The following TRIM25 variants were observed in gnomAD, a reference collection of about 807,000 sequenced individuals.
TRIM25 encodes tripartite motif containing 25.
A neutral mutation model predicts 65.2 loss-of-function variants in TRIM25; 45 were observed. The observed-to-expected ratio is 0.69, with a 90% CI of 0.54 to 0.89. The LOEUF is 0.89. Ranked by LOEUF, TRIM25 falls within the 40% of genes least tolerant of loss-of-function variation. TRIM25 has a pLI of 0.00. For synonymous variants in TRIM25, 321 were observed against 340.4 expected, an observed-to-expected ratio of 0.94 and a Z score of 0.63; for missense variants, 714 against 803.7, an observed-to-expected ratio of 0.89 and a Z score of 1.35.
At chr17:56,911,513 G>A (rs1909627914) in intron 1 of TRIM25, among the ~76,000 whole-genome samples, 1 of 151,300 alleles carries the variant, frequency 6.6e-6, no homozygotes, top group Non-Finnish European at 1.5e-5. Context: ...TCGGGAGGTG[G>A]AGGTTGCAGT....
At chr17:56,895,030 G>A (rs1909257721) in intron 8 of TRIM25, among the ~76,000 whole-genome samples, 1 of 152,224 alleles carries the variant, frequency 6.6e-6, no homozygotes, top group African/African-American at 2.4e-5. Flanking sequence ...CCCGGTGAAG[G>A]CCGGTGACCG....
intron 4 of TRIM25, among the ~76,000 whole-genome samples, chr17:56,900,084 C>A (rs1035025990): frequency 6.6e-6 from 1 of 152,106 alleles, no homozygotes; most frequent in African/African-American, 2.4e-5. Flanking sequence ...TGTGGTGGCA[C>A]ATGCCTGTAA....
rs371150565 is a variant in TRIM25 at position 56,891,754 on chromosome 17, C to T, written c.1839G>A (p.Pro613=). 94 of 1,614,024 alleles carry T rather than the reference C, an allele frequency of 5.8e-5. No individual in the cohort carries two copies. The highest frequency in any genetic ancestry group is 7.8e-5 in the Non-Finnish European group (92 of 1,180,028). ...CACCAGCAGAAAATACCCAGAAAGC[C>T]GGGTACAAAGCCTCAGTAAAGTCCA... ...FRVDFTEALY[P]AFWVFSAGAT... is the part of the protein sequence containing the mutation. The change falls in exon 9 of 9, where the codon CCG becomes CCA. Residue 613 remains proline (P), a synonymous_variant. Transcript: ENST00000316881.
At chr17:56,899,042 G>T in intron 5 of TRIM25, 73 bp downstream of exon 5, 1 of 1,566,070 alleles carries the variant, frequency 6.4e-7, no homozygotes, top group South Asian at 1.1e-5. Flanking sequence ...GGATGGGCCG[G>T]AAGTGACTTG....
chr17:56,899,137 T>C lies in TRIM25; in HGVS notation c.1131A>G (p.Thr377=), dbSNP rs1190334643. ...EHDPASTHKS[T]RPVKKVSKEE... ...TACTGGAGACCTTCTTCACAGGGCGTGTGGATTTGTGTGTGGACGCTGGGT... is the reference window on the plus strand; with the variant it reads ...TACTGGAGACCTTCTTCACAGGGCGCGTGGATTTGTGTGTGGACGCTGGGT... Residue 377 remains threonine, a synonymous_variant, in exon 5 of 9, where the codon ACA becomes ACG. Transcript: ENST00000316881. The C allele has an allele frequency of 6.2e-7, 1 of 1,614,082 alleles. No homozygotes were observed. Among genetic ancestry groups the C allele is most frequent in the African/African-American group, 1.3e-5 (1 of 74,996 alleles).
In TRIM25 at chr17:56,913,333, C is replaced by T. The variant is rs1598081325; in HGVS notation, c.597+59G>A. The T allele has an allele frequency of 1.4e-6, 2 of 1,455,694 alleles. No homozygotes were observed. Among genetic ancestry groups the T allele is most frequent in the East Asian group, 2.4e-5 (1 of 41,224 alleles). 90.2% of individuals were successfully genotyped at this position (1,455,694 alleles called of 1,614,324 possible). A position where few individuals can be genotyped will look rare whatever the true frequency, so the allele number is the denominator to read the frequency against. On this transcript the variant is annotated intron_variant, in intron 1 of 8. Coordinates refer to ENST00000316881, the MANE Select transcript of TRIM25 (RefSeq NM_005082.5). The surrounding 1 kb of genome is among the most constrained non-coding windows in gnomAD (Gnocchi z 6.1). ...AGTGTGGCAGAGAGGCCCCCGGTGG[C>T]CCCTCTGCACCACCCATCAGGCCAG...
Position 56,892,123 on chromosome 17 carries a change from C to A in TRIM25, c.1470G>T (p.Pro490=). 6.2e-7 allele frequency: 1 copy of A among 1,614,176 alleles called. No homozygotes were observed. Among genetic ancestry groups the A allele is most frequent in the Non-Finnish European group, 8.5e-7 (1 of 1,180,038 alleles). Residue 490 remains proline (P), a synonymous_variant, in exon 9 of 9, where the codon CCG becomes CCT. Transcript: ENST00000316881. ...AGCAGTATGTGAACCTCTGGGGATG[C>A]GGCCGGTAGTTCTGAGGCATCTCAG... The part of the protein sequence containing the change: ...SVAEMPQNYR[P]HPQRFTYCSQ...
intron 4 of TRIM25, among the ~76,000 whole-genome samples, chr17:56,900,453 G>A (rs762688827): frequency 1.4e-4 from 21 of 152,160 alleles, no homozygotes; most frequent in Non-Finnish European, 1.3e-4. Flanking sequence ...GATATACGGG[G>A]ATCCCAAGGA....
rs1470202321 is a variant in TRIM25, at chr17:56,908,515, C to G, written c.646G>C (p.Ala216Pro). The G allele has an allele frequency of 6.2e-7, 1 of 1,614,090 alleles. No homozygotes were observed. Among genetic ancestry groups the G allele is most frequent in the Non-Finnish European group, 8.5e-7 (1 of 1,180,034 alleles). The change falls in exon 2 of 9, where the codon GCG (alanine) becomes CCG (proline). Residue 216 changes from alanine (A) to proline (P), a missense_variant. Physicochemically the swap from Ala to Pro is conservative, Grantham distance 27 (BLOSUM62 -1). Transcript: ENST00000316881. ...CTCACATCATCCAGTGCTCTCGACG[C>G]CCCGTTGATCTGACTGTACATGACA... is the stretch of plus-strand genomic sequence containing the variant. Reference protein sequence around the residue: ...LTVMYSQINGASRALDDVRNR... With the variant: ...LTVMYSQINGPSRALDDVRNR...
At chr17:56,909,085 G>A (rs1909577395) in intron 1 of TRIM25, among the ~76,000 whole-genome samples, 1 of 152,106 alleles carries the variant, frequency 6.6e-6, no homozygotes, top group Non-Finnish European at 1.5e-5. Flanking sequence ...GGTAATGGCA[G>A]GTGGGGCCAC....
At position 56,899,096 on chromosome 17, in the gene TRIM25, C is replaced by G. The variant is rs1318150353; in HGVS notation, c.1153+19G>C. The G allele has an allele frequency of 7.4e-6, 12 of 1,613,914 alleles. No homozygotes were observed. The highest frequency in any genetic ancestry group is 1.0e-5 in the Non-Finnish European group (12 of 1,179,946). ...CACAGCCATGCTGTTGCCATGGAGA[C>G]AGGGGTGGGGCTACTTACTGGAGAC... On this transcript the variant is annotated intron_variant, in intron 5 of 8. Coordinates refer to ENST00000316881, the MANE Select transcript of TRIM25 (RefSeq NM_005082.5).
In TRIM25 at chr17:56,911,316, TCACGCTTGTAATCC is replaced by T. The variant is rs1422325860; in HGVS notation, c.597+2062_597+2075del. On this transcript the variant is annotated intron_variant, in intron 1 of 8. Transcript: ENST00000316881. ...ATATATATGGGCCGGGCGTGGTGGC[TCACGCTTGTAATCC>T]CAGCACTTTGGGAGGCCGAGGCGGG... 2.6e-5 allele frequency among the ~76,000 whole-genome samples: 4 copies of T among 152,102 alleles called. No individual in the cohort carries two copies. In the East Asian group the frequency reaches 7.8e-4, roughly 29 times the overall value.
At position 56,895,576 on chromosome 17, in the gene TRIM25, A is replaced by G; in HGVS notation, c.1209T>C (p.Leu403=). 1 of 1,576,836 alleles carries G rather than the reference A, an allele frequency of 6.3e-7. No individual in the cohort carries two copies. The highest frequency in any genetic ancestry group is 8.6e-7 in the Non-Finnish European group (1 of 1,159,368). Reference sequence around the variant, plus strand: ...ACTGTTCCGGGGCTCCAAACGTGGGAAGCTTGCTGGGTAAGGCAGGGACAG... The same window carrying G: ...ACTGTTCCGGGGCTCCAAACGTGGGGAGCTTGCTGGGTAAGGCAGGGACAG... The part of the protein sequence containing the change: ...PPPVPALPSK[L]PTFGAPEQLV... The change falls in exon 7 of 9, where the codon CTT becomes CTC. Residue 403 remains leucine, a synonymous_variant. Transcript: ENST00000316881.
chr17:56,905,494 T>C (rs1437421812), intron 2 of TRIM25, among the ~76,000 whole-genome samples: 2 of 152,246 alleles, frequency 1.3e-5, no homozygotes, highest in Non-Finnish European at 2.9e-5. Context: ...TACTGAGCAC[T>C]TGAAATGTGG....
intron 2 of TRIM25, among the ~76,000 whole-genome samples, chr17:56,905,318 C>T (rs573669625): frequency 6.6e-6 from 1 of 152,058 alleles, no homozygotes; most frequent in East Asian, 1.9e-4. Flanking sequence ...GAGCCGAGAT[C>T]GTGCCACTGC....
rs556225384 is a variant in TRIM25, at chr17:56,899,167, C to T, written c.1101G>A (p.Glu367=). ...ATTTGTGTGTGGACGCTGGGTCATGCTCTCCAGGGTCACCTGTGTCAGAGA... is the reference window on the plus strand; with the variant it reads ...ATTTGTGTGTGGACGCTGGGTCATGTTCTCCAGGGTCACCTGTGTCAGAGA... The part of the protein sequence containing the change: ...EPTPSSGDPG[E]HDPASTHKST... Residue 367 remains glutamate (E), a synonymous_variant, in exon 5 of 9, where the codon GAG becomes GAA. Coordinates refer to ENST00000316881, the MANE Select transcript of TRIM25 (RefSeq NM_005082.5). 8 of 1,614,060 alleles carry T rather than the reference C, an allele frequency of 5.0e-6. No individual in the cohort carries two copies. The Admixed American group carries it at 1.3e-4, about 27-fold the overall frequency.
At position 56,899,245 on chromosome 17, in the gene TRIM25, C is replaced by T. The variant is rs1268583113; in HGVS notation, c.1088-65G>A. On this transcript the variant is annotated intron_variant, in intron 4 of 8. Coordinates refer to ENST00000316881, the MANE Select transcript of TRIM25 (RefSeq NM_005082.5). ...TCACTGACCCTAGCAGCCAGCTTTG[C>T]CATGGGTCGGTGGGCAGGCAGAGGG... 6 of 1,576,472 alleles carry T rather than the reference C, an allele frequency of 3.8e-6. No individual in the cohort carries two copies. The East Asian group carries it at 1.1e-4, about 29-fold the overall frequency.
chr17:56,909,335 C>A (rs1252029934), intron 1 of TRIM25, among the ~76,000 whole-genome samples: 1 of 152,002 alleles, frequency 6.6e-6, no homozygotes, highest in Non-Finnish European at 1.5e-5. Context: ...GGCAGGGAGA[C>A]AGAAATCAGA....
intron 1 of TRIM25, among the ~76,000 whole-genome samples, chr17:56,910,381 T>C (rs1483747611): frequency 2.6e-5 from 4 of 152,328 alleles, no homozygotes; most frequent in African/African-American, 9.6e-5. Context: ...TGTTTCAAAC[T>C]TGACCTCTGT....
Sources: gnomAD v4.1 joint callset for allele counts (sites outside exome capture counted in the v4.1 genomes callset) on GRCh38, gnomAD v4.1.1 for gene constraint, Gnocchi (gnomAD v3.1) non-coding constraint, MANE v1.5 for transcripts, NCBI Gene and HGNC (gene_info 2026-07-23, HGNC 2026-07-21) for gene names.